Variants in CRYBG2 observed in about 807,000 individuals in gnomAD.
CRYBG2 encodes the protein crystallin beta-gamma domain containing 2, also known as beta/gamma crystallin domain-containing protein 2.
In CRYBG2, 106 loss-of-function variants were observed where a neutral mutation model predicts 153.4. The observed-to-expected ratio is 0.69, with a 90% CI of 0.59 to 0.81. The LOEUF is 0.81. Ranked by LOEUF, CRYBG2 falls within the 30% of genes least tolerant of loss-of-function variation. The probability of loss-of-function intolerance (pLI) is 0.00; values close to 1 mark genes in which losing one functional copy is unlikely to be tolerated. For missense variants in CRYBG2, 1,996 were observed against 2,112.0 expected (o/e 0.95, Z 1.08); for synonymous variants, 851 against 877.8 (o/e 0.97, Z 0.54).
In CRYBG2 at chr1:26,345,922, G is replaced by A; in HGVS notation, c.736C>T (p.His246Tyr). ...KVLSNLVPAG[H>Y]SPPASHLPRP... ...GGCAGGTGACTGGCAGGGGGGCTGTGCCCAGCAGGCACGAGGTTACTTAGC... is the reference window on the plus strand; with the variant it reads ...GGCAGGTGACTGGCAGGGGGGCTGTACCCAGCAGGCACGAGGTTACTTAGC... The change falls in exon 2 of 20, where the codon CAC becomes TAC. Residue 246 changes from histidine (H) to tyrosine (Y), a missense_variant. By Grantham distance (83) the His-to-Tyr change is moderately conservative. Coordinates refer to ENST00000308182, the MANE Select transcript of CRYBG2 (RefSeq NM_001039775.4). 4 of 1,596,796 alleles carry A rather than the reference G, an allele frequency of 2.5e-6. No homozygotes were observed. The highest frequency in any genetic ancestry group is 1.1e-5 in the South Asian group (1 of 91,010).
intron 5 of CRYBG2, among the ~76,000 whole-genome samples, chr1:26,340,496 TC>T (rs2074116107): frequency 6.6e-6 from 1 of 152,288 alleles, no homozygotes; most frequent in East Asian, 1.9e-4. Flanking sequence ...TCCAGAAACA[TC>T]TGACTTCAAA....
intron 18 of CRYBG2, among the ~76,000 whole-genome samples, chr1:26,323,454 A>G (rs2073884537): frequency 6.6e-6 from 1 of 151,970 alleles, no homozygotes; most frequent in Non-Finnish European, 1.5e-5. Context: ...TATTCTGCCC[A>G]TTTAAGTTAT....
At chr1:26,352,200 GACAC>G (rs1044137092) in intron 1 of CRYBG2, among the ~76,000 whole-genome samples, 3 of 152,076 alleles carry the variant, frequency 2.0e-5, no homozygotes, top group Non-Finnish European at 4.4e-5. Flanking sequence ...CGCAGGCACA[GACAC>G]ACAGACAGAT....
chr1:26,353,103 G>A (rs1361694465), intron 1 of CRYBG2, among the ~76,000 whole-genome samples: 2 of 152,128 alleles, frequency 1.3e-5, no homozygotes, highest in Non-Finnish European at 2.9e-5. Context: ...CACAGGCACT[G>A]GAGTTATAGA....
chr1:26,336,763 G>A lies in CRYBG2; in HGVS notation c.3912-31C>T. ...GGAAGGGCGGGGCGCGAGTCAGCTG[G>A]GACGGAGCCTGCACCTCTCCTGGAA... On this transcript the variant is annotated intron_variant, in intron 11 of 19. Transcript: ENST00000308182. This position sits in a 1 kb window ranked among gnomAD's most constrained non-coding sequence, Gnocchi z 4.9. The A allele has an allele frequency of 6.4e-7, 1 of 1,573,410 alleles. No homozygotes were observed. Among genetic ancestry groups the A allele is most frequent in the Non-Finnish European group, 8.6e-7 (1 of 1,159,438 alleles).
rs1335846900 is a variant in CRYBG2 at position 26,343,587 on chromosome 1, C to A, written c.2913+158G>T. ...AGGGATAGGGATAGGGAGATTGAGG[C>A]CCAGAGAGATGTGGCTTGCACAGGT... On this transcript the variant is annotated intron_variant, in intron 2 of 19. Transcript: ENST00000308182. This position sits in a 1 kb window ranked among gnomAD's most constrained non-coding sequence, Gnocchi z 4.1. 2.0e-5 allele frequency among the ~76,000 whole-genome samples: 3 copies of A among 152,154 alleles called. No homozygotes were observed. The highest frequency in any genetic ancestry group is 2.0e-4 in the Admixed American group (3 of 15,270).
rs150265212 is a variant in CRYBG2 at position 26,352,606 on chromosome 1, A to G, written c.-56+1430T>C. 3.1e-3 allele frequency among the ~76,000 whole-genome samples: 478 copies of G among 152,176 alleles called. 3 individuals are homozygous for G. The highest frequency in any genetic ancestry group is 0.011 in the African/African-American group (453 of 41,498). ...CAGAGAACCTTCTCCCAGGAAGGGG[A>G]CATAGAAGGATGATGTTTCTGGAGG... On this transcript the variant is annotated intron_variant, in intron 1 of 19. Transcript: ENST00000308182.
At chr1:26,329,947 G>A (rs2073979702) in intron 15 of CRYBG2, among the ~76,000 whole-genome samples, 1 of 152,126 alleles carries the variant, frequency 6.6e-6, no homozygotes, top group African/African-American at 2.4e-5. Context: ...ATGTTGGCCA[G>A]GCTAGTCTCA....
In CRYBG2 at chr1:26,354,023, C is replaced by A. The variant is rs2074311719; in HGVS notation, c.-56+13G>T. The A allele has an allele frequency of 5.0e-6, 2 of 399,588 alleles. No homozygotes were observed. The highest frequency in any genetic ancestry group is 4.1e-5 in the African/African-American group (2 of 48,634). The allele number at this position is 399,588 out of a possible 1,614,324, so 24.8% of individuals were successfully genotyped here. ...AGGCCAGTCTCCCCTCCCATCTCCA[C>A]ACACAGACCGACCTCTACTCACAGT... is the stretch of plus-strand genomic sequence containing the variant. On this transcript the variant is annotated intron_variant, in intron 1 of 19. Transcript: ENST00000308182.
chr1:26,327,649 C>CAAA (rs55965740), intron 17 of CRYBG2, among the ~76,000 whole-genome samples: 1 of 116,534 alleles, frequency 8.6e-6, no homozygotes, highest in African/African-American at 3.2e-5. Flanking sequence ...AACTCCATCT[C>CAAA]AAAAAAAAAA....
At position 26,342,851 on chromosome 1, in the gene CRYBG2, C is replaced by T. The variant is rs758313507; in HGVS notation, c.3107G>A (p.Gly1036Asp). Residue 1036 changes from glycine to aspartate, a missense_variant, in exon 5 of 20, where the codon GGT becomes GAT. Coordinates refer to ENST00000308182, the MANE Select transcript of CRYBG2 (RefSeq NM_001039775.4). Reference sequence around the variant, plus strand: ...TCCTTCAGGCAGGACCAGCTTCTGACCCCGGAACTCTGGCTCTTCGTACAG... The same window carrying T: ...TCCTTCAGGCAGGACCAGCTTCTGATCCCGGAACTCTGGCTCTTCGTACAG... The part of the protein sequence containing the change: ...WVLYEEPEFR[G>D]QKLVLPEGDM... 1.2e-6 allele frequency: 2 copies of T among 1,614,054 alleles called. No individual in the cohort carries two copies. The highest frequency in any genetic ancestry group is 1.7e-5 in the Admixed American group (1 of 60,000).
chr1:26,339,443 G>A lies in CRYBG2; in HGVS notation c.3205-14C>T, dbSNP rs765437150. 1.9e-6 allele frequency: 3 copies of A among 1,613,194 alleles called. No individual in the cohort carries two copies. The East Asian group carries it at 6.7e-5, about 36-fold the overall frequency. ...GGTGCTGTAGTCCTGTGGAAGGAGGGGGAAAATTAAATATAGATAAACAGC... is the reference window on the plus strand; with the variant it reads ...GGTGCTGTAGTCCTGTGGAAGGAGGAGGAAAATTAAATATAGATAAACAGC... On this transcript the variant is annotated splice_polypyrimidine_tract_variant and intron_variant, in intron 5 of 19. Coordinates refer to ENST00000308182, the MANE Select transcript of CRYBG2 (RefSeq NM_001039775.4).
chr1:26,333,357 G>C (rs1304404041), intron 14 of CRYBG2, among the ~76,000 whole-genome samples: 2 of 152,024 alleles, frequency 1.3e-5, no homozygotes, highest in Non-Finnish European at 2.9e-5. Context: ...CCTGAGGTCG[G>C]GAGTTCGAGG....
intron 15 of CRYBG2, among the ~76,000 whole-genome samples, 200 bp from the exon 16 acceptor site, chr1:26,329,073 G>A (rs1188439732): frequency 6.6e-6 from 1 of 151,672 alleles, no homozygotes; most frequent in African/African-American, 2.4e-5. Context: ...GCTAGGCTGG[G>A]TCCCCAGTTT....
rs2073997744 is a variant in CRYBG2 at position 26,331,581 on chromosome 1, G to A, written c.4222C>T (p.Gln1408Ter). 1 of 1,613,984 alleles carries A rather than the reference G, an allele frequency of 6.2e-7. No individual in the cohort carries two copies. Among genetic ancestry groups the A allele is most frequent in the African/African-American group, 1.3e-5 (1 of 74,926 alleles). The change falls in exon 15 of 20, where the codon CAG becomes TAG. Residue 1408 changes from glutamine to a stop codon, truncating the protein, a stop_gained. Coordinates refer to ENST00000308182, the MANE Select transcript of CRYBG2 (RefSeq NM_001039775.4). LOFTEE classifies it high-confidence loss of function. ...AACTCGCCCTCAGAGAGAATGTGCT[G>A]GTCACCCTCGAAGTTCGTCTCATCA... Reference protein sequence around the residue: ...LFDETNFEGDQHILSEGEFPT... With the variant: ...LFDETNFEGD
rs1302084835 is a variant in CRYBG2 at position 26,345,094 on chromosome 1, C to T, written c.1564G>A (p.Ala522Thr). 1.1e-6 allele frequency: 1 copy of T among 934,880 alleles called. No individual in the cohort carries two copies. The highest frequency in any genetic ancestry group is 1.9e-5 in the African/African-American group (1 of 53,566). The allele number at this position is 934,880 out of a possible 1,614,324, so 57.9% of individuals were successfully genotyped here. ...KEVVQGSSAP[A>T]ALFPTWKEVV... is the part of the protein sequence containing the mutation. ...TCTTTCCAGGTGGGGAACAAGGCAG[C>T]AGGAGCACTGGACCCCTGCACCACC... Residue 522 changes from alanine to threonine, a missense_variant, in exon 2 of 20, where the codon GCT (alanine) becomes ACT (threonine). Physicochemically the swap from Ala to Thr is moderately conservative, Grantham distance 58. Transcript: ENST00000308182.
chr1:26,323,430 G>A (rs554249384), intron 18 of CRYBG2, among the ~76,000 whole-genome samples: 13 of 152,042 alleles, frequency 8.6e-5, no homozygotes, highest in African/African-American at 3.1e-4. Flanking sequence ...CTTTCATCCT[G>A]TAAGACACTA....
rs1260856175 is a variant in CRYBG2 at position 26,336,533 on chromosome 1, C to T, written c.4038+73G>A. ...CAGGTCCTCCAGCCCGCTACCTCTG[C>T]GTGGGGGCGGGGCGCACCCGAACTC... On this transcript the variant is annotated intron_variant, in intron 12 of 19. Coordinates refer to ENST00000308182, the MANE Select transcript of CRYBG2 (RefSeq NM_001039775.4). This position sits in a 1 kb window ranked among gnomAD's most constrained non-coding sequence, Gnocchi z 4.9. 1.3e-6 allele frequency: 2 copies of T among 1,541,790 alleles called. No homozygotes were observed. Among genetic ancestry groups the T allele is most frequent in the East Asian group, 2.5e-5 (1 of 40,520 alleles).
rs1294377671 is a variant in CRYBG2, at chr1:26,345,571, A to G, written c.1087T>C (p.Ser363Pro). 4 of 1,605,040 alleles carry G rather than the reference A, an allele frequency of 2.5e-6. No individual in the cohort carries two copies. In the African/African-American group the frequency reaches 5.3e-5, roughly 21 times the overall value. ...TTTGCAGGGTGAGTTAGGCCAGGAGAGGGGACATGGGTCTCGAGTCTGGGA... is the reference window on the plus strand; with the variant it reads ...TTTGCAGGGTGAGTTAGGCCAGGAGGGGGGACATGGGTCTCGAGTCTGGGA... The part of the protein sequence containing the change: ...SSPRLETHVP[S>P]PGLTHPAKQP... Residue 363 changes from serine (S) to proline (P), a missense_variant, in exon 2 of 20, where the codon TCT (serine) becomes CCT (proline). Ser to Pro is a moderately conservative substitution (Grantham distance 74). Transcript: ENST00000308182.
Sources: allele counts gnomAD v4.1 joint callset (sites outside exome capture counted in the v4.1 genomes callset), GRCh38; gene constraint gnomAD v4.1.1; non-coding constraint Gnocchi (gnomAD v3.1); transcripts MANE v1.5; gene names NCBI Gene and HGNC (gene_info 2026-07-23, HGNC 2026-07-21).